CRYBG1: variants seen among roughly 807,000 people sequenced by gnomAD.
The protein encoded by CRYBG1 is crystallin beta-gamma domain containing 1, also known as beta/gamma crystallin domain-containing protein 1.
Under a neutral mutation model 189.2 loss-of-function variants are expected in CRYBG1, and 139 were observed. The observed-to-expected ratio is 0.73, with a 90% CI of 0.64 to 0.85. CRYBG1 has a LOEUF of 0.85. CRYBG1 is among the 40% of genes least tolerant of loss of function. CRYBG1 has a pLI of 0.00. For missense variants in CRYBG1, 2,611 were observed against 2,675.8 expected (o/e 0.98, Z 0.53); for synonymous variants, 1,023 against 1,017.1 (o/e 1.01, Z -0.11).
At chr6:106,405,927 G>A (rs909251308) in intron 1 of CRYBG1, among the ~76,000 whole-genome samples, 22 of 152,166 alleles carry the variant, frequency 1.4e-4, no homozygotes, top group Non-Finnish European at 2.6e-4. Context: ...GGAAAAATCA[G>A]TGCAAAAAGG....
intron 1 of CRYBG1, among the ~76,000 whole-genome samples, chr6:106,391,979 G>C (rs910562331): frequency 4.0e-5 from 6 of 149,282 alleles, no homozygotes; most frequent in South Asian, 4.3e-4. Flanking sequence ...GTGCGTGCGC[G>C]TTTCCTGAAA....
At chr6:106,399,927 A>C (rs1770689953) in intron 1 of CRYBG1, among the ~76,000 whole-genome samples, 1 of 152,042 alleles carries the variant, frequency 6.6e-6, no homozygotes, top group Admixed American at 6.5e-5. Context: ...ACCTGAGGTC[A>C]GGAGTTTGAG....
chr6:106,444,695 G>C (rs907747353), intron 1 of CRYBG1, among the ~76,000 whole-genome samples: 3 of 152,204 alleles, frequency 2.0e-5, no homozygotes, highest in Admixed American at 6.5e-5. Flanking sequence ...AGCACCCAAA[G>C]CCTCGATTTC....
At chr6:106,383,290 T>C (rs1483897056) in intron 1 of CRYBG1, among the ~76,000 whole-genome samples, 2 of 152,162 alleles carry the variant, frequency 1.3e-5, no homozygotes, top group African/African-American at 4.8e-5. Context: ...CCTCCATAAG[T>C]AGTCGTTAAA....
chr6:106,400,542 G>C (rs1440877210), intron 1 of CRYBG1, among the ~76,000 whole-genome samples: 1 of 152,184 alleles, frequency 6.6e-6, no homozygotes, highest in Non-Finnish European at 1.5e-5. Flanking sequence ...AAGTGTTATG[G>C]AAAGATTTGC....
At chr6:106,547,041 G>C (rs1031941819) in intron 13 of CRYBG1, among the ~76,000 whole-genome samples, 3 of 152,166 alleles carry the variant, frequency 2.0e-5, no homozygotes, top group Non-Finnish European at 4.4e-5. Context: ...CTTGAAATCA[G>C]TTCCCTTTAT....
chr6:106,528,213 T>G (rs1357823882), intron 7 of CRYBG1, among the ~76,000 whole-genome samples: 1 of 152,240 alleles, frequency 6.6e-6, no homozygotes, highest in Non-Finnish European at 1.5e-5. Flanking sequence ...TCAACATTTC[T>G]GAGTAACTTA....
At chr6:106,393,795 C>G (rs986533055) in intron 1 of CRYBG1, among the ~76,000 whole-genome samples, 1 of 151,826 alleles carries the variant, frequency 6.6e-6, no homozygotes, top group African/African-American at 2.4e-5. Flanking sequence ...CCTGCTTCAG[C>G]CTTCCAAGCT....
At position 106,513,002 on chromosome 6, in the gene CRYBG1, G is replaced by A. The variant is rs772174679; in HGVS notation, c.1885G>A (p.Gly629Ser). ...CGGCTTGAAGCCCAGGAACCATTTC[G>A]GCGTGGGCAGGTCGACAGTGACCAC... The part of the protein sequence containing the change: ...ADGLKPRNHF[G>S]VGRSTVTTKV... The change falls in exon 3 of 22, where the codon GGC (glycine) becomes AGC (serine). Residue 629 changes from glycine to serine, a missense_variant. By Grantham distance (56) the Gly-to-Ser change is moderately conservative (BLOSUM62 0). Around this residue, in one of 3 missense-constraint regions of CRYBG1, gnomAD observed 985 missense variants for 924.4 expected, o/e 1.07. Coordinates refer to ENST00000633556, the MANE Select transcript of CRYBG1 (RefSeq NM_001371242.2). 7 of 1,608,142 alleles carry A rather than the reference G, an allele frequency of 4.4e-6. No individual in the cohort carries two copies. Among genetic ancestry groups the A allele is most frequent in the East Asian group, 4.5e-5 (2 of 44,864 alleles).
At chr6:106,505,817 A>G (rs915778340) in intron 2 of CRYBG1, among the ~76,000 whole-genome samples, 4 of 152,094 alleles carry the variant, frequency 2.6e-5, no homozygotes, top group Non-Finnish European at 4.4e-5. Flanking sequence ...AACATGGCCA[A>G]TCCTATCATT....
intron 6 of CRYBG1, among the ~76,000 whole-genome samples, chr6:106,526,360 A>G (rs35452551): frequency 0.21 from 31,480 of 152,176 alleles, 3,709 homozygotes; most frequent in South Asian, 0.34. Flanking sequence ...GGCCACTAAT[A>G]TACAATATAT....
rs761466918 is a variant in CRYBG1 at position 106,519,470 on chromosome 6, C to T, written c.2262C>T (p.Thr754=). 3.8e-5 allele frequency: 61 copies of T among 1,613,966 alleles called. No homozygotes were observed. The highest frequency in any genetic ancestry group is 9.3e-5 in the African/African-American group (7 of 74,906). ...AAACTGCTATAGAAACCAAAGTTAC[C>T]GTCTCGGAAGAAGAGATTCTGCCAG... ...VKETAIETKV[T]VSEEEILPAT... is the part of the protein sequence containing the mutation. Residue 754 remains threonine, a synonymous_variant, in exon 4 of 22, where the codon ACC becomes ACT. Transcript: ENST00000633556.
At chr6:106,374,686 A>T (rs982950641) in intron 1 of CRYBG1, among the ~76,000 whole-genome samples, 9 of 152,216 alleles carry the variant, frequency 5.9e-5, no homozygotes, top group African/African-American at 1.7e-4. Context: ...ACACTTGATG[A>T]TGTTAGTGTA....
rs1418531702 is a variant in CRYBG1, at chr6:106,569,006, C to CTGTT, written c.*442_*445dup. ...AGGCTTAAGTTTGAAAGGTAGAGAACTGTTTAGCATCTGAGAAGAAATACT... is the reference window on the plus strand; with the variant it reads ...AGGCTTAAGTTTGAAAGGTAGAGAACTGTTTGTTTAGCATCTGAGAAGAAATACT... On this transcript the variant is annotated 3_prime_UTR_variant, in exon 22 of 22. Coordinates refer to ENST00000633556, the MANE Select transcript of CRYBG1 (RefSeq NM_001371242.2). The CTGTT allele has an allele frequency of 6.3e-6, 1 of 159,540 alleles. No homozygotes were observed. Among genetic ancestry groups the CTGTT allele is most frequent in the East Asian group, 1.8e-4 (1 of 5,530 alleles). 9.9% of individuals were successfully genotyped at this position (159,540 alleles called of 1,614,324 possible). A position where few individuals can be genotyped will look rare whatever the true frequency, so the allele number is the denominator to read the frequency against.
At chr6:106,403,466 GC>G (rs1007880954) in intron 1 of CRYBG1, among the ~76,000 whole-genome samples, 2 of 152,226 alleles carry the variant, frequency 1.3e-5, no homozygotes, top group African/African-American at 2.4e-5. Context: ...AAGGTAGTGA[GC>G]TTTGTCCTCT....
In CRYBG1 at chr6:106,568,575, G is replaced by A. The variant is rs769669339; in HGVS notation, c.*9G>A. ...TGGTCCTATATACCTGAACAAAGAAGGAAGAAGAATCTTCTGGAGGTCCTT... is the reference window on the plus strand; with the variant it reads ...TGGTCCTATATACCTGAACAAAGAAAGAAGAAGAATCTTCTGGAGGTCCTT... On this transcript the variant is annotated 3_prime_UTR_variant, in exon 22 of 22. Coordinates refer to ENST00000633556, the MANE Select transcript of CRYBG1 (RefSeq NM_001371242.2). The A allele has an allele frequency of 6.3e-7, 1 of 1,593,834 alleles. No individual in the cohort carries two copies. The highest frequency in any genetic ancestry group is 1.1e-5 in the South Asian group (1 of 90,424).
rs777892249 is a variant in CRYBG1 at position 106,555,858 on chromosome 6, G to A, written c.5676G>A (p.Pro1892=). The A allele has an allele frequency of 2.0e-5, 32 of 1,614,076 alleles. No homozygotes were observed. The highest frequency in any genetic ancestry group is 1.6e-4 in the African/African-American group (12 of 74,928). Residue 1892 remains proline, a synonymous_variant, in exon 17 of 22, where the codon CCG becomes CCA. Coordinates refer to ENST00000633556, the MANE Select transcript of CRYBG1 (RefSeq NM_001371242.2). ...CTTGTCTGTCTGCAATGGGATGCCCGCCTGGAGCAACTTTCAAGTCTCTTC... is the reference window on the plus strand; with the variant it reads ...CTTGTCTGTCTGCAATGGGATGCCCACCTGGAGCAACTTTCAAGTCTCTTC... The part of the protein sequence containing the change: ...HYPCLSAMGC[P]PGATFKSLRF...
At chr6:106,445,560 T>C (rs554961317) in intron 1 of CRYBG1, among the ~76,000 whole-genome samples, 1 of 152,356 alleles carries the variant, frequency 6.6e-6, no homozygotes, top group South Asian at 2.1e-4. Flanking sequence ...CAACTGACAT[T>C]CATATGCATA....
At chr6:106,448,750 A>G (rs1771719745) in intron 1 of CRYBG1, among the ~76,000 whole-genome samples, 1 of 152,116 alleles carries the variant, frequency 6.6e-6, no homozygotes, top group South Asian at 2.1e-4. Context: ...CTTTTTTCCT[A>G]ATTGAACCTC....
Sources: allele counts gnomAD v4.1 joint callset (sites outside exome capture counted in the v4.1 genomes callset), GRCh38; gene constraint gnomAD v4.1.1; regional missense constraint gnomAD v4.1.1; transcripts MANE v1.5; gene names NCBI Gene and HGNC (gene_info 2026-07-23, HGNC 2026-07-21).